The following STAC variants were observed in gnomAD, a reference collection of about 807,000 sequenced individuals.
STAC encodes SH3 and cysteine rich domain.
STAC carries 43 observed loss-of-function variants against 48.8 expected under a neutral mutation model. That is an observed-to-expected ratio of 0.88 (90% CI 0.69 to 1.14). The LOEUF (loss-of-function observed/expected upper bound fraction) is 1.14. Among genes scored for constraint, STAC ranks in the 50% most tolerant of loss-of-function variants. STAC has a pLI of 0.00. For missense variants in STAC, 497 were observed against 504.0 expected, an observed-to-expected ratio of 0.99 and a Z score of 0.13; for synonymous variants, 193 against 179.5, an observed-to-expected ratio of 1.07 and a Z score of -0.60.
At chr3:36,510,508 G>A (rs1286067271) in intron 8 of STAC, among the ~76,000 whole-genome samples, 2 of 152,162 alleles carry the variant, frequency 1.3e-5, no homozygotes, top group Non-Finnish European at 2.9e-5. Context: ...ACATGTACAC[G>A]TATGTTTATT....
intron 1 of STAC, among the ~76,000 whole-genome samples, chr3:36,399,307 A>T (rs981802886): frequency 2.0e-5 from 3 of 152,204 alleles, no homozygotes; most frequent in African/African-American, 4.8e-5. Flanking sequence ...GTGCCTCTTT[A>T]GCCAGAGCAG....
intron 10 of STAC, among the ~76,000 whole-genome samples, chr3:36,530,292 G>A (rs7644206): frequency 0.14 from 21,112 of 152,086 alleles, 1,662 homozygotes; most frequent in African/African-American, 0.17. Context: ...GATAAGGCTC[G>A]CCCTACAAGG....
chr3:36,524,997 T>A (rs141075735), intron 8 of STAC, among the ~76,000 whole-genome samples: 251 of 152,356 alleles, frequency 1.6e-3, no homozygotes, highest in African/African-American at 5.7e-3. Flanking sequence ...ATAGTCCTTA[T>A]GCCAATTTAC....
chr3:36,411,273 A>C (rs1700189053), intron 1 of STAC, among the ~76,000 whole-genome samples: 1 of 152,232 alleles, frequency 6.6e-6, no homozygotes, highest in South Asian at 2.1e-4. Context: ...TCTATAAGTC[A>C]TAAGTCAGTA....
At chr3:36,518,549 G>A (rs577427970) in intron 8 of STAC, among the ~76,000 whole-genome samples, 4 of 152,140 alleles carry the variant, frequency 2.6e-5, no homozygotes, top group African/African-American at 7.2e-5. Context: ...CCTAAATTTG[G>A]GGGGCTTCAA....
chr3:36,525,697 T>C (rs1698914722), intron 8 of STAC, among the ~76,000 whole-genome samples: 1 of 152,228 alleles, frequency 6.6e-6, no homozygotes, highest in Non-Finnish European at 1.5e-5. Flanking sequence ...AGAAGATTTT[T>C]CTACATTGAC....
At chr3:36,480,799 A>G (rs1251698859) in intron 2 of STAC, among the ~76,000 whole-genome samples, 4 of 152,124 alleles carry the variant, frequency 2.6e-5, no homozygotes, top group Non-Finnish European at 4.4e-5. Context: ...ACCAGCCACC[A>G]CTGCTTCAGT....
intron 2 of STAC, among the ~76,000 whole-genome samples, chr3:36,459,004 A>G (rs1429237186): frequency 6.6e-6 from 1 of 152,182 alleles, no homozygotes; most frequent in African/African-American, 2.4e-5. Flanking sequence ...TTTAGTTGCA[A>G]GGCTTTAACA....
chr3:36,479,967 T>C (rs1239238106), intron 2 of STAC, among the ~76,000 whole-genome samples: 2 of 152,334 alleles, frequency 1.3e-5, no homozygotes, highest in East Asian at 1.9e-4. Flanking sequence ...AGAGTGGACA[T>C]TGAAACATCA....
Position 36,380,682 on chromosome 3 carries a change from C to A in STAC, c.39C>A (p.Asp13Glu). Residue 13 changes from aspartate to glutamate, a missense_variant, in exon 1 of 11, where the codon GAC (aspartate) becomes GAA (glutamate). Coordinates refer to ENST00000273183, the MANE Select transcript of STAC (RefSeq NM_003149.3). The part of the protein sequence containing the change: ...PPSSPREDGV[D>E]GLPKEAVGAE... ...GCAGCCCCCGCGAGGACGGCGTGGACGGGCTGCCCAAGGAGGCGGTGGGCG... is the reference window on the plus strand; with the variant it reads ...GCAGCCCCCGCGAGGACGGCGTGGAAGGGCTGCCCAAGGAGGCGGTGGGCG... 1 of 1,608,700 alleles carries A rather than the reference C, an allele frequency of 6.2e-7. No individual in the cohort carries two copies. Among genetic ancestry groups the A allele is most frequent in the South Asian group, 1.1e-5 (1 of 89,920 alleles).
At chr3:36,544,849 T>G (rs1045579786) in intron 10 of STAC, among the ~76,000 whole-genome samples, 3 of 152,184 alleles carry the variant, frequency 2.0e-5, no homozygotes, top group Admixed American at 6.5e-5. Context: ...CCACTACTCT[T>G]ACAAATTATC....
At chr3:36,404,698 A>G (rs1311787441) in intron 1 of STAC, among the ~76,000 whole-genome samples, 1 of 152,174 alleles carries the variant, frequency 6.6e-6, no homozygotes, top group Non-Finnish European at 1.5e-5. Flanking sequence ...GAACAAAGAA[A>G]GTCACAAAAC....
chr3:36,434,124 GA>G (rs1700771133), intron 1 of STAC, among the ~76,000 whole-genome samples: 1 of 152,174 alleles, frequency 6.6e-6, no homozygotes, highest in Admixed American at 6.5e-5. Context: ...GGTGAATGTG[GA>G]AAGTGCTTTG....
chr3:36,444,441 T>C (rs113991440), intron 2 of STAC, among the ~76,000 whole-genome samples: 16 of 152,230 alleles, frequency 1.1e-4, no homozygotes, highest in Admixed American at 3.9e-4. Flanking sequence ...AGCTTTGTTA[T>C]TGCATCTTCT....
In STAC at chr3:36,491,550, T is replaced by G. The variant is rs115381699; in HGVS notation, c.688-1601T>G. On this transcript the variant is annotated intron_variant, in intron 5 of 10. Transcript: ENST00000273183. ...TAGAGACCCTGTGACTTTTTTTTCT[T>G]CTTTCTGCTGTGTCATGATAGTAGC... 3.8e-3 allele frequency among the ~76,000 whole-genome samples: 585 copies of G among 152,130 alleles called. 4 individuals carry two copies. Among genetic ancestry groups the G allele is most frequent in the African/African-American group, 0.013 (535 of 41,488 alleles).
chr3:36,380,616 A>G lies in STAC; in HGVS notation c.-28A>G. The G allele has an allele frequency of 6.6e-7, 1 of 1,524,386 alleles. No homozygotes were observed. Among genetic ancestry groups the G allele is most frequent in the Non-Finnish European group, 8.9e-7 (1 of 1,119,522 alleles). The allele number at this position is 1,524,386 out of a possible 1,614,324, so 94.4% of individuals were successfully genotyped here. ...ACAGAAGCCTCGCTGTTCCTCCGGG[A>G]GCCCAACACCGTTCCCGCGCGGCCA... is the stretch of plus-strand genomic sequence containing the variant. On this transcript the variant is annotated 5_prime_UTR_variant, in exon 1 of 11. Transcript: ENST00000273183.
chr3:36,496,528 A>G lies in STAC; in HGVS notation c.766+3299A>G, dbSNP rs569425862. ...GCTATTATGTCAAATTCCTTGAGGA[A>G]TATCTCCAAAGCCACCTTGGAAGGA... is the stretch of plus-strand genomic sequence containing the variant. On this transcript the variant is annotated intron_variant, in intron 6 of 10. Transcript: ENST00000273183. 1.1e-3 allele frequency among the ~76,000 whole-genome samples: 161 copies of G among 152,338 alleles called. 1 individual carries two copies. Among genetic ancestry groups the G allele is most frequent in the African/African-American group, 3.8e-3 (156 of 41,582 alleles).
intron 1 of STAC, among the ~76,000 whole-genome samples, chr3:36,441,999 C>T (rs542711838): frequency 6.6e-6 from 1 of 152,080 alleles, no homozygotes; most frequent in Admixed American, 6.5e-5. Flanking sequence ...ATATTAATCT[C>T]CTGTCTGATG....
intron 10 of STAC, among the ~76,000 whole-genome samples, chr3:36,542,298 T>C (rs541545226): frequency 5.5e-4 from 84 of 152,308 alleles, no homozygotes; most frequent in Admixed American, 1.6e-3. Context: ...CCATTCTCCT[T>C]GTCGGTGATG....
Sources: allele counts gnomAD v4.1 joint callset (sites outside exome capture counted in the v4.1 genomes callset), GRCh38; gene constraint gnomAD v4.1.1; transcripts MANE v1.5; gene names NCBI Gene and HGNC (gene_info 2026-07-23, HGNC 2026-07-21).